Variants in SGCD observed in about 807,000 individuals in gnomAD.
The protein encoded by SGCD is sarcoglycan delta, also known as delta-sarcoglycan.
SGCD carries 18 observed loss-of-function variants against 36.6 expected under a neutral mutation model. That is an observed-to-expected ratio of 0.49 (90% CI 0.34 to 0.73). SGCD has a LOEUF of 0.73. SGCD is among the 30% of genes least tolerant of loss of function. SGCD has a pLI of 0.01. For missense variants in SGCD, 387 were observed against 346.7 expected (o/e 1.12, Z -0.92); for synonymous variants, 133 against 130.6 (o/e 1.02, Z -0.12).
intron 3 of SGCD, among the ~76,000 whole-genome samples, chr5:156,437,447 T>C (rs1190896734): frequency 1.3e-5 from 2 of 152,134 alleles, no homozygotes; most frequent in Admixed American, 6.6e-5. Flanking sequence ...ACAGTCTTAT[T>C]TTGAAATCAC....
chr5:156,746,824 C>A (rs1203226195), intron 7 of SGCD, among the ~76,000 whole-genome samples: 1 of 151,928 alleles, frequency 6.6e-6, no homozygotes, highest in Non-Finnish European at 1.5e-5. Flanking sequence ...TTAGACAAGG[C>A]ACAAAAGTAC....
intron 3 of SGCD, among the ~76,000 whole-genome samples, chr5:156,496,204 G>A (rs1237830807): frequency 6.6e-6 from 1 of 152,000 alleles, no homozygotes; most frequent in African/African-American, 2.4e-5. Flanking sequence ...ACCTATTATG[G>A]GTGAGATGAA....
At chr5:156,483,006 C>T (rs1313613772) in intron 3 of SGCD, among the ~76,000 whole-genome samples, 1 of 151,854 alleles carries the variant, frequency 6.6e-6, no homozygotes, top group Non-Finnish European at 1.5e-5. Context: ...TGTTTGTTCC[C>T]CCACTCCCCC....
At chr5:156,432,870 G>T (rs1753080975) in intron 3 of SGCD, among the ~76,000 whole-genome samples, 1 of 152,146 alleles carries the variant, frequency 6.6e-6, no homozygotes, top group Non-Finnish European at 1.5e-5. Flanking sequence ...ACTTAGACCT[G>T]CCCCAGGCCA....
At chr5:156,673,035 A>C (rs1052595772) in intron 7 of SGCD, among the ~76,000 whole-genome samples, 6 of 152,144 alleles carry the variant, frequency 3.9e-5, no homozygotes, top group African/African-American at 1.4e-4. Flanking sequence ...ACACGTCTTC[A>C]TTTTTGGATT....
intron 6 of SGCD, among the ~76,000 whole-genome samples, chr5:156,613,337 A>T (rs1167247965): frequency 6.6e-6 from 1 of 152,242 alleles, no homozygotes. Context: ...AAATTTGCTT[A>T]GAACTTGTAG....
chr5:156,074,382 C>A (rs1489638172), intron 1 of SGCD, among the ~76,000 whole-genome samples: 1 of 151,894 alleles, frequency 6.6e-6, no homozygotes, highest in African/African-American at 2.4e-5. Flanking sequence ...AGATCAAAAT[C>A]TCAAAAATAT....
intron 3 of SGCD, among the ~76,000 whole-genome samples, chr5:156,267,352 T>C (rs1766028536): frequency 6.6e-6 from 1 of 152,216 alleles, no homozygotes; most frequent in Non-Finnish European, 1.5e-5. Context: ...TCAAAGTTGT[T>C]TCCTGGTTCT....
chr5:155,809,981 G>A, the SGCD span, among the ~76,000 whole-genome samples: 18 of 152,090 alleles, frequency 1.2e-4, no homozygotes, highest in African/African-American at 4.1e-4. Context: ...TTTTATTAAT[G>A]CTAAGATTAT....
At chr5:155,735,918 G>A in the SGCD span, among the ~76,000 whole-genome samples, 2 of 152,188 alleles carry the variant, frequency 1.3e-5, no homozygotes, top group African/African-American at 2.4e-5. Flanking sequence ...AATTAGAGAT[G>A]TATGGATGTT....
chr5:155,947,561 G>T (rs1444183201), intron 1 of SGCD, among the ~76,000 whole-genome samples: 6 of 152,074 alleles, frequency 3.9e-5, no homozygotes, highest in African/African-American at 1.2e-4. Context: ...CTGATCTCGA[G>T]CAGGTTACTT....
intron 3 of SGCD, among the ~76,000 whole-genome samples, chr5:156,449,397 G>A (rs1581010698): frequency 6.6e-6 from 1 of 152,056 alleles, no homozygotes; most frequent in African/African-American, 2.4e-5. Flanking sequence ...CTAGTAACTA[G>A]TTCACTGCCT....
intron 6 of SGCD, among the ~76,000 whole-genome samples, chr5:156,600,008 T>C (rs1561805575): frequency 1.3e-5 from 2 of 152,222 alleles, no homozygotes; most frequent in South Asian, 4.1e-4. Context: ...ATTCAGTACA[T>C]GCTAACTGGT....
chr5:155,920,072 G>A (rs1029562638), intron 1 of SGCD, among the ~76,000 whole-genome samples: 2 of 152,166 alleles, frequency 1.3e-5, no homozygotes, highest in African/African-American at 4.8e-5. Flanking sequence ...TTCTTGGACA[G>A]AGGCAATGAG....
At chr5:156,614,174 G>A (rs1177667902) in intron 6 of SGCD, among the ~76,000 whole-genome samples, 1 of 152,066 alleles carries the variant, frequency 6.6e-6, no homozygotes, top group Non-Finnish European at 1.5e-5. Context: ...GGAACTCCTG[G>A]CCTCAAGTGA....
intron 3 of SGCD, among the ~76,000 whole-genome samples, chr5:156,465,893 G>A (rs1244094451): frequency 6.6e-6 from 1 of 152,184 alleles, no homozygotes; most frequent in African/African-American, 2.4e-5. Context: ...TAGGCTAGCA[G>A]TCTCTTGTAC....
chr5:156,255,289 G>T (rs1765687611), intron 3 of SGCD, among the ~76,000 whole-genome samples: 1 of 152,076 alleles, frequency 6.6e-6, no homozygotes, highest in Non-Finnish European at 1.5e-5. Flanking sequence ...TTTTATCATG[G>T]TATGTTACAT....
the SGCD span, among the ~76,000 whole-genome samples, chr5:155,821,050 T>C: frequency 6.6e-6 from 1 of 152,130 alleles, no homozygotes; most frequent in African/African-American, 2.4e-5. Flanking sequence ...ATCTTAACTT[T>C]TATTGGTAGT....
Position 156,051,814 on chromosome 5 carries a change from G to C in SGCD, c.-281-66064G>C, listed in dbSNP as rs946397210. On this transcript the variant is annotated intron_variant, in intron 1 of 9. Coordinates refer to the SGCD transcript ENST00000517913. ...GGATAAACCTGAAGTTTGGGAAGGA[G>C]CCAACCCTGTCTGTATGTTTTAGTG... is the stretch of plus-strand genomic sequence containing the variant. Among the ~76,000 whole-genome samples the C allele has an allele frequency of 8.9e-5, 13 of 146,014 alleles. 2 individuals carry two copies. The highest frequency in any genetic ancestry group is 2.7e-4 in the Admixed American group (4 of 14,548).
Sources: gnomAD v4.1 joint callset for allele counts (sites outside exome capture counted in the v4.1 genomes callset) on GRCh38, gnomAD v4.1.1 for gene constraint, MANE v1.5 for transcripts, NCBI Gene and HGNC (gene_info 2026-07-23, HGNC 2026-07-21) for gene names.